The following CALU variants were observed in gnomAD, a reference collection of about 807,000 sequenced individuals.
The protein encoded by CALU is IEF SSP 9302.
CALU carries 13 observed loss-of-function variants against 37.5 expected under a neutral mutation model. The observed-to-expected ratio is 0.35, with a 90% CI of 0.23 to 0.55. CALU has a LOEUF of 0.55. Among genes scored for constraint, CALU ranks in the 20% least tolerant of loss-of-function variants. The probability of loss-of-function intolerance (pLI) is 0.89; values close to 1 mark genes in which losing one functional copy is unlikely to be tolerated. For missense variants in CALU, 282 were observed against 391.7 expected (o/e 0.72, Z 2.36); for synonymous variants, 114 against 133.8 (o/e 0.85, Z 1.02).
chr7:128,767,421 A>AAACCCTTCTTTTGTATGT, intron 5 of CALU, 35 bp from the exon 6 acceptor site: 2 of 1,541,696 alleles, frequency 1.3e-6, no homozygotes, highest in Non-Finnish European at 1.8e-6. Flanking sequence ...GGGAAAAGAC[A>AAACCCTTCTTTTGTATGT]AACCCTTCTT....
rs922816273 is a variant in CALU, at chr7:128,772,037, A to G, written c.*2870A>G. 2.7e-5 allele frequency among the ~76,000 whole-genome samples: 4 copies of G among 150,382 alleles called. No individual in the cohort carries two copies. Among genetic ancestry groups the G allele is most frequent in the African/African-American group, 9.8e-5 (4 of 40,772 alleles). ...GTTATCCAAAAGTTCTTTCAAACTC[A>G]TATTTGGGGCCACTGAGTTTTTTTT... On this transcript the variant is annotated 3_prime_UTR_variant, in exon 7 of 7. Transcript: ENST00000249364.
At chr7:128,742,187 G>T (rs902431899) in intron 1 of CALU, among the ~76,000 whole-genome samples, 7 of 152,180 alleles carry the variant, frequency 4.6e-5, no homozygotes, top group Admixed American at 2.0e-4. Context: ...ACTAAAGTTT[G>T]TAAGTAAAGA....
At chr7:128,764,307 C>T (rs921293913) in intron 5 of CALU, among the ~76,000 whole-genome samples, 4 of 151,968 alleles carry the variant, frequency 2.6e-5, no homozygotes, top group Non-Finnish European at 5.9e-5. Context: ...GGCATGGTGG[C>T]GTGTGCCTGT....
At chr7:128,752,545 G>A (rs1800715966) in intron 2 of CALU, among the ~76,000 whole-genome samples, 1 of 152,108 alleles carries the variant, frequency 6.6e-6, no homozygotes, top group Non-Finnish European at 1.5e-5. Flanking sequence ...AGCACAAACT[G>A]CATTCCATTA....
At chr7:128,765,062 A>G (rs1337391463) in intron 5 of CALU, among the ~76,000 whole-genome samples, 1 of 152,022 alleles carries the variant, frequency 6.6e-6, no homozygotes, top group Non-Finnish European at 1.5e-5. Context: ...GAAGAGCACC[A>G]CCACACCCAG....
At chr7:128,767,422 A>G (rs755364141) in intron 5 of CALU, 34 bp from the exon 6 acceptor site, 4 of 1,544,244 alleles carry the variant, frequency 2.6e-6, no homozygotes, top group African/African-American at 2.7e-5. Flanking sequence ...GGAAAAGACA[A>G]ACCCTTCTTT....
chr7:128,763,843 G>A (rs749624208), intron 5 of CALU, among the ~76,000 whole-genome samples: 1 of 152,210 alleles, frequency 6.6e-6, no homozygotes, highest in Non-Finnish European at 1.5e-5. Context: ...GTGAGTTTAA[G>A]ACAGAGGAGT....
chr7:128,745,254 G>A (rs1226923666), intron 1 of CALU, among the ~76,000 whole-genome samples: 5 of 152,022 alleles, frequency 3.3e-5, no homozygotes, highest in Admixed American at 3.3e-4. Context: ...ACATATTGTT[G>A]GGATATATCC....
At chr7:128,748,848 C>G (rs762263910) in intron 2 of CALU, 44 bp downstream of exon 2, 11 of 1,302,736 alleles carry the variant, frequency 8.4e-6, no homozygotes, top group South Asian at 7.4e-5. Context: ...TAATGACATT[C>G]TTTATAAAGG....
Position 128,748,594 on chromosome 7 carries a change from G to A in CALU, c.11G>A (p.Arg4Gln), listed in dbSNP as rs2290228. 255,814 of 1,612,570 alleles carry A rather than the reference G, an allele frequency of 0.16. 21,307 individuals carry two copies. The highest frequency in any genetic ancestry group is 0.22 in the South Asian group (20,439 of 91,004). The change falls in exon 2 of 7, where the codon CGA (arginine) becomes CAA (glutamine). Residue 4 changes from arginine (R) to glutamine (Q), a missense_variant. Physicochemically the swap from Arg to Gln is conservative, Grantham distance 43 (BLOSUM62 1). Coordinates refer to ENST00000249364, the MANE Select transcript of CALU (RefSeq NM_001219.5). MDL[R>Q]QFLMCLSLCT... is the part of the protein sequence containing the mutation. ...CAAGATCTAATTATCATGGACCTGC[G>A]ACAGTTTCTTATGTGCCTGTCCCTG...
At position 128,768,847 on chromosome 7, in the gene CALU, C is replaced by CAAAAAAAAAAA. The variant is rs1012831963; in HGVS notation, c.844-205_844-195dup. Among the ~76,000 whole-genome samples, 499 of 55,054 alleles carry CAAAAAAAAAAA rather than the reference C, an allele frequency of 9.1e-3. 4 individuals carry two copies. Among genetic ancestry groups the CAAAAAAAAAAA allele is most frequent in the Non-Finnish European group, 0.012 (367 of 31,302 alleles). The allele number at this position is 55,054 out of a possible 152,430, so 36.1% of individuals were successfully genotyped here. On this transcript the variant is annotated intron_variant, in intron 6 of 6. Transcript: ENST00000249364. ...GGGCAACAAGAGCGAAACTCCGTCT[C>CAAAAAAAAAAA]AAAAAAAAAAAAAAAAAAAAACAAG...
chr7:128,769,308 A>G lies in CALU; in HGVS notation c.*141A>G, dbSNP rs1801467207. On this transcript the variant is annotated 3_prime_UTR_variant, in exon 7 of 7. Coordinates refer to ENST00000249364, the MANE Select transcript of CALU (RefSeq NM_001219.5). Reference sequence around the variant, plus strand: ...GCGTAATGAAAACCATCCCGTCCCCATTCCTCCTCCTCTCTGAGGGACTGG... The same window carrying G: ...GCGTAATGAAAACCATCCCGTCCCCGTTCCTCCTCCTCTCTGAGGGACTGG... The G allele has an allele frequency of 3.6e-6, 2 of 550,904 alleles. No homozygotes were observed. The highest frequency in any genetic ancestry group is 6.5e-6 in the Non-Finnish European group (2 of 309,146). 34.1% of individuals were successfully genotyped at this position (550,904 alleles called of 1,614,324 possible).
rs1800995366 is a variant in CALU at position 128,758,985 on chromosome 7, C to T, written c.530C>T (p.Thr177Ile). 6.2e-7 allele frequency: 1 copy of T among 1,614,012 alleles called. No individual in the cohort carries two copies. The highest frequency in any genetic ancestry group is 8.5e-7 in the Non-Finnish European group (1 of 1,179,918). The part of the protein sequence containing the change: ...GDLIATKEEF[T>I]AFLHPEEYDY... Reference sequence around the variant, plus strand: ...CTCATTGCCACCAAGGAGGAGTTCACAGCTTTCCTGCACCCTGAGGAGTAT... The same window carrying T: ...CTCATTGCCACCAAGGAGGAGTTCATAGCTTTCCTGCACCCTGAGGAGTAT... The change falls in exon 4 of 7, where the codon ACA (threonine) becomes ATA (isoleucine). Residue 177 changes from threonine (T) to isoleucine (I), a missense_variant. Thr to Ile is a moderately conservative substitution (Grantham distance 89). Coordinates refer to ENST00000249364, the MANE Select transcript of CALU (RefSeq NM_001219.5).
chr7:128,743,408 G>C (rs879592246), intron 1 of CALU, among the ~76,000 whole-genome samples: 6 of 152,140 alleles, frequency 3.9e-5, no homozygotes, highest in African/African-American at 7.2e-5. Flanking sequence ...ATTGTGATCA[G>C]TATGTATGGC....
intron 3 of CALU, among the ~76,000 whole-genome samples, chr7:128,755,771 A>G (rs530582663): frequency 6.6e-6 from 1 of 152,170 alleles, no homozygotes. Context: ...TCTGTTGTAC[A>G]TGGTTACAGT....
rs1800784354 is a variant in CALU at position 128,754,311 on chromosome 7, G to A, written c.271G>A (p.Asp91Asn). 1 of 1,613,858 alleles carries A rather than the reference G, an allele frequency of 6.2e-7. No homozygotes were observed. The highest frequency in any genetic ancestry group is 8.5e-7 in the Non-Finnish European group (1 of 1,179,930). ...DGDKDGFVTV[D>N]ELKDWIKFAQ... ...CGACAAGGACGGGTTTGTCACTGTG[G>A]ATGAGCTCAAAGACTGGATTAAATT... The change falls in exon 3 of 7, where the codon GAT becomes AAT. Residue 91 changes from aspartate (D) to asparagine (N), a missense_variant. Physicochemically the swap from Asp to Asn is conservative, Grantham distance 23. Transcript: ENST00000249364.
rs948008621 is a variant in CALU, at chr7:128,769,342, C to T, written c.*175C>T. 33 of 500,272 alleles carry T rather than the reference C, an allele frequency of 6.6e-5. No individual in the cohort carries two copies. The Middle Eastern group carries it at 1.7e-3, about 27-fold the overall frequency. The allele number at this position is 500,272 out of a possible 1,614,324, so 31.0% of individuals were successfully genotyped here. The stretch of plus-strand genomic sequence containing the variant: ...CCTCTCTGAGGGACTGGAGGGAAGC[C>T]GTGCTTCTGAGGAACAACTCTAATT... On this transcript the variant is annotated 3_prime_UTR_variant, in exon 7 of 7. Coordinates refer to ENST00000249364, the MANE Select transcript of CALU (RefSeq NM_001219.5).
chr7:128,748,899 T>C lies in CALU; in HGVS notation c.221+95T>C, dbSNP rs984265465. On this transcript the variant is annotated intron_variant, in intron 2 of 6. Coordinates refer to ENST00000249364, the MANE Select transcript of CALU (RefSeq NM_001219.5). ...TCTGGCTCAGTTATGAGTAAAGTTA[T>C]ATTGAACTATTAATACATCTTCTGA... 1.0e-5 allele frequency: 8 copies of C among 762,232 alleles called. No individual in the cohort carries two copies. The Admixed American group carries it at 1.9e-4, about 18-fold the overall frequency. 47.2% of individuals were successfully genotyped at this position (762,232 alleles called of 1,614,324 possible).
intron 3 of CALU, among the ~76,000 whole-genome samples, chr7:128,757,699 T>G (rs1648995626): frequency 6.6e-6 from 1 of 152,210 alleles, no homozygotes; most frequent in African/African-American, 2.4e-5. Context: ...CTTTTTAAAA[T>G]ATCTTCATGT....
Sources: gnomAD v4.1 joint callset for allele counts (sites outside exome capture counted in the v4.1 genomes callset) on GRCh38, gnomAD v4.1.1 for gene constraint, MANE v1.5 for transcripts, NCBI Gene and HGNC (gene_info 2026-07-23, HGNC 2026-07-21) for gene names.